Variants in TRIM24 observed in about 807,000 individuals in gnomAD.
The protein encoded by TRIM24 is transcription intermediary factor 1-alpha.
TRIM24 carries 29 observed loss-of-function variants against 123.9 expected under a neutral mutation model. The ratio of observed to expected loss-of-function variants is 0.23; its 90% CI spans 0.17 to 0.32. The LOEUF is 0.32. Among genes scored for constraint, TRIM24 ranks in the 10% least tolerant of loss-of-function variants. TRIM24 has a pLI of 1.00. For synonymous variants in TRIM24, 456 were observed against 461.1 expected, an observed-to-expected ratio of 0.99 and a Z score of 0.14; for missense variants, 932 against 1,295.3, an observed-to-expected ratio of 0.72 and a Z score of 4.31.
At chr7:138,494,095 C>T (rs551144615) in intron 1 of TRIM24, among the ~76,000 whole-genome samples, 1 of 152,090 alleles carries the variant, frequency 6.6e-6, no homozygotes, top group South Asian at 2.1e-4. Flanking sequence ...GATTATCTCG[C>T]CTCAGCCTCC....
intron 14 of TRIM24, among the ~76,000 whole-genome samples, chr7:138,577,914 T>A (rs1190938710): frequency 6.6e-6 from 1 of 152,176 alleles, no homozygotes; most frequent in South Asian, 2.1e-4. Flanking sequence ...ATAATTCTTA[T>A]GTACTCATTC....
chr7:138,520,554 G>C (rs1403774844), intron 4 of TRIM24, among the ~76,000 whole-genome samples: 2 of 152,192 alleles, frequency 1.3e-5, no homozygotes, highest in Non-Finnish European at 2.9e-5. Flanking sequence ...GCTGGGCAAA[G>C]TGGTGTGTGC....
intron 2 of TRIM24, among the ~76,000 whole-genome samples, chr7:138,508,708 C>CGGGTGTGTGTGTGCGT (rs139423741): frequency 2.2e-5 from 3 of 136,286 alleles, no homozygotes; most frequent in South Asian, 2.5e-4. Context: ...CGCGTGTGTG[C>CGGGTGTGTGTGTGCGT]GTGTGTGTGT....
chr7:138,521,541 AAAAG>A (rs1241718514), intron 4 of TRIM24, among the ~76,000 whole-genome samples: 1 of 152,184 alleles, frequency 6.6e-6, no homozygotes, highest in African/African-American at 2.4e-5. Flanking sequence ...AAAAATGAGA[AAAAG>A]AAATAAAGAA....
At chr7:138,574,725 A>T (rs1188061803) in intron 12 of TRIM24, among the ~76,000 whole-genome samples, 1 of 152,202 alleles carries the variant, frequency 6.6e-6, no homozygotes, top group Non-Finnish European at 1.5e-5. Context: ...TTGGCAAAAC[A>T]TTCCTGGAAA....
chr7:138,544,440 CTA>C (rs111252884), intron 7 of TRIM24, among the ~76,000 whole-genome samples: 2,777 of 152,194 alleles, frequency 0.018, 69 homozygotes, highest in African/African-American at 0.061. Context: ...GGTTGTTTTT[CTA>C]TCTTGGCCAT....
chr7:138,508,692 T>TGTGTGCGCGCGCGCGCGCGC (rs1422176564), intron 2 of TRIM24, among the ~76,000 whole-genome samples: 3 of 137,214 alleles, frequency 2.2e-5, no homozygotes, highest in African/African-American at 8.3e-5. Flanking sequence ...TGTGTGTGTG[T>TGTGTGCGCGCGCGCGCGCGC]GCGCGCGCGT....
chr7:138,538,636 A>C (rs771414177), intron 6 of TRIM24, 21 bp from the exon 7 acceptor site: 13 of 1,613,112 alleles, frequency 8.1e-6, no homozygotes, highest in Non-Finnish European at 1.0e-5. Flanking sequence ...ACTAATTTTG[A>C]AACTATTTTC....
At chr7:138,476,747 A>G (rs1210708786) in intron 1 of TRIM24, among the ~76,000 whole-genome samples, 1 of 152,216 alleles carries the variant, frequency 6.6e-6, no homozygotes, top group East Asian at 1.9e-4. Context: ...GGTAATATCT[A>G]GTAAAATGCA....
intron 2 of TRIM24, among the ~76,000 whole-genome samples, 155 bp downstream of exon 2, chr7:138,504,563 C>T (rs992270224): frequency 1.3e-5 from 2 of 149,552 alleles, no homozygotes; most frequent in African/African-American, 4.9e-5. Flanking sequence ...CACAGGTTCA[C>T]ACCATTCTCC....
chr7:138,534,070 A>T (rs1392633691), intron 6 of TRIM24, among the ~76,000 whole-genome samples: 12 of 152,010 alleles, frequency 7.9e-5, no homozygotes, highest in Admixed American at 6.6e-5. Flanking sequence ...TATCCCCTTT[A>T]ACATTTTTTA....
At chr7:138,507,414 G>A (rs1449879339) in intron 2 of TRIM24, among the ~76,000 whole-genome samples, 2 of 147,712 alleles carry the variant, frequency 1.4e-5, no homozygotes. Flanking sequence ...AGGCTGGAGT[G>A]CAATGGTGAG....
chr7:138,576,586 A>C, intron 13 of TRIM24, 141 bp downstream of exon 13: 2 of 581,806 alleles, frequency 3.4e-6, no homozygotes, highest in South Asian at 3.2e-5. Context: ...ACTACTATAT[A>C]TTTTAATGAA....
At chr7:138,537,428 A>G (rs1796914127) in intron 6 of TRIM24, among the ~76,000 whole-genome samples, 1 of 109,280 alleles carries the variant, frequency 9.2e-6, no homozygotes, top group Non-Finnish European at 1.7e-5. Flanking sequence ...TGGTCTCACT[A>G]TGTTGCCCAG....
At chr7:138,548,044 A>G (rs992373118) in intron 7 of TRIM24, among the ~76,000 whole-genome samples, 1 of 152,214 alleles carries the variant, frequency 6.6e-6, no homozygotes, top group South Asian at 2.1e-4. Flanking sequence ...TTGTAGGGAA[A>G]AACAGTATTA....
At chr7:138,559,906 G>C (rs1206362367) in intron 9 of TRIM24, among the ~76,000 whole-genome samples, 3 of 152,148 alleles carry the variant, frequency 2.0e-5, no homozygotes, top group Non-Finnish European at 4.4e-5. Context: ...GGTCTGTTAG[G>C]CTTATGGGCA....
chr7:138,474,931 C>T (rs1194844567), intron 1 of TRIM24, among the ~76,000 whole-genome samples: 2 of 152,094 alleles, frequency 1.3e-5, no homozygotes. Flanking sequence ...AATTTAGTGA[C>T]AGAGAAAAGG....
chr7:138,510,077 A>G (rs1796253908), intron 2 of TRIM24, among the ~76,000 whole-genome samples: 1 of 152,150 alleles, frequency 6.6e-6, no homozygotes, highest in Non-Finnish European at 1.5e-5. Flanking sequence ...GTAGGAAGGA[A>G]CTGCTGCACC....
chr7:138,535,763 G>GT (rs1295239957), intron 6 of TRIM24, among the ~76,000 whole-genome samples: 2 of 152,126 alleles, frequency 1.3e-5, no homozygotes, highest in East Asian at 3.9e-4. Context: ...ATGTTGGCCT[G>GT]CCTTGCTAGG....
Sources: gnomAD v4.1 joint callset for allele counts (sites outside exome capture counted in the v4.1 genomes callset) on GRCh38, gnomAD v4.1.1 for gene constraint, MANE v1.5 for transcripts, NCBI Gene and HGNC (gene_info 2026-07-23, HGNC 2026-07-21) for gene names.